The following CPLANE1 variants were observed in gnomAD, a reference collection of about 807,000 sequenced individuals.
CPLANE1 encodes the protein ciliogenesis and planar polarity effector 1.
Under a neutral mutation model 362.5 loss-of-function variants are expected in CPLANE1, and 263 were observed. The ratio of observed to expected loss-of-function variants is 0.73; its 90% CI spans 0.66 to 0.80. CPLANE1 has a LOEUF of 0.80. Ranked by LOEUF, CPLANE1 falls within the 30% of genes least tolerant of loss-of-function variation. The pLI is 0.00. For missense variants in CPLANE1, 3,461 were observed against 3,793.4 expected, an observed-to-expected ratio of 0.91 and a Z score of 2.30; for synonymous variants, 1,212 against 1,302.6, an observed-to-expected ratio of 0.93 and a Z score of 1.50.
At position 37,107,676 on chromosome 5, in the gene CPLANE1, A is replaced by G. The variant is rs577380148; in HGVS notation, c.9682T>C (p.Trp3228Arg). The change falls in exon 53 of 53, where the codon TGG (tryptophan) becomes CGG (arginine). Residue 3228 changes from tryptophan (W) to arginine (R), a missense_variant. Around this residue, in one of 2 missense-constraint regions of CPLANE1, gnomAD observed 81 missense variants for 127.3 expected, o/e 0.64. Transcript: ENST00000651892. ...STGSILSKLD[W>R]NAIEDMVASV... ...GCCACCATGTCTTCGATGGCATTCC[A>G]GTCCAGCTTGCTGAGGATGCTGCCA... 7 of 1,611,756 alleles carry G rather than the reference A, an allele frequency of 4.3e-6. No individual in the cohort carries two copies. In the East Asian group the frequency reaches 1.6e-4, roughly 36 times the overall value.
rs1272767433 is a variant in CPLANE1, at chr5:37,226,818, A to C, written c.1777T>G (p.Leu593Val). 6.5e-7 allele frequency: 1 copy of C among 1,549,974 alleles called. No homozygotes were observed. Among genetic ancestry groups the C allele is most frequent in the African/African-American group, 1.4e-5 (1 of 72,962 alleles). ...GISKTVTEKN[L>V]MLNYIVVCIT... ...CAAACTACTATGTAATTTAACATTAAATTTTTTTCTGTCACAGTTTTTGAA... is the reference window on the plus strand; with the variant it reads ...CAAACTACTATGTAATTTAACATTACATTTTTTTCTGTCACAGTTTTTGAA... The change falls in exon 12 of 53, where the codon TTA becomes GTA. Residue 593 changes from leucine (L) to valine (V), a missense_variant. Transcript: ENST00000651892.
rs1768647689 is a variant in CPLANE1 at position 37,138,749 on chromosome 5, G to T, written c.8763C>A (p.Gly2921=). Residue 2921 remains glycine (G), a synonymous_variant, in exon 46 of 53, where the codon GGC becomes GGA. Coordinates refer to ENST00000651892, the MANE Select transcript of CPLANE1 (RefSeq NM_001384732.1). The part of the protein sequence containing the change: ...IKDGVSSEEL[G]LTEQAMGTSR... ...AGGTGCCCATAGCTTGTTCTGTTAA[G>T]CCAAGTTCTTCACTGGAAACTCCGT... 1 of 1,612,592 alleles carries T rather than the reference G, an allele frequency of 6.2e-7. No homozygotes were observed. The highest frequency in any genetic ancestry group is 8.5e-7 in the Non-Finnish European group (1 of 1,179,480).
chr5:37,213,478 T>C (rs1793201608), intron 16 of CPLANE1, 81 bp downstream of exon 16: 5 of 907,002 alleles, frequency 5.5e-6, no homozygotes, highest in Non-Finnish European at 6.2e-6. Flanking sequence ...CATTGAGTAA[T>C]GGCCTCTGTA....
chr5:37,168,226 T>A (rs1778826399), intron 34 of CPLANE1, among the ~76,000 whole-genome samples: 1 of 43,264 alleles, frequency 2.3e-5, no homozygotes, highest in African/African-American at 6.9e-4. Context: ...AATCACAGAT[T>A]CTGGGTCTAT....
intron 42 of CPLANE1, among the ~76,000 whole-genome samples, chr5:37,148,978 G>A (rs1432749293): frequency 6.6e-6 from 1 of 152,156 alleles, no homozygotes; most frequent in Non-Finnish European, 1.5e-5. Context: ...TTCAACCTGG[G>A]AGGCAGAGAT....
At chr5:37,239,446 G>A (rs1027934185) in intron 7 of CPLANE1, among the ~76,000 whole-genome samples, 6 of 151,796 alleles carry the variant, frequency 4.0e-5, no homozygotes, top group Non-Finnish European at 8.8e-5. Context: ...AGCCAGGCAC[G>A]GTGGTATAAG....
At chr5:37,189,375 C>T (rs1017262621) in intron 21 of CPLANE1, among the ~76,000 whole-genome samples, 3 of 152,094 alleles carry the variant, frequency 2.0e-5, no homozygotes, top group Non-Finnish European at 4.4e-5. Flanking sequence ...ATCAGGGTCT[C>T]CAGTGAGCAT....
intron 22 of CPLANE1, 76 bp from the exon 23 acceptor site, chr5:37,187,648 T>C (rs1243262126): frequency 1.9e-6 from 3 of 1,554,524 alleles, no homozygotes; most frequent in Admixed American, 1.9e-5. Flanking sequence ...AAGAAAGTTT[T>C]GCTACAAACA....
chr5:37,161,127 G>A (rs1446425178), intron 38 of CPLANE1, among the ~76,000 whole-genome samples: 1 of 152,296 alleles, frequency 6.6e-6, no homozygotes, highest in South Asian at 2.1e-4. Context: ...GCTGGAAGAA[G>A]GAATATGCTT....
chr5:37,140,617 C>G (rs990941416), intron 44 of CPLANE1: 29 of 985,114 alleles, frequency 2.9e-5, no homozygotes, highest in Non-Finnish European at 3.5e-5. Context: ...GGCCTATTCA[C>G]GAAAAAAAGC....
the CPLANE1 span, among the ~76,000 whole-genome samples, chr5:37,080,552 G>A: frequency 6.6e-6 from 1 of 152,138 alleles, no homozygotes; most frequent in Non-Finnish European, 1.5e-5. Context: ...ACATTATCTT[G>A]CAAAAGCCCA....
At chr5:37,242,262 G>C (rs539716547) in intron 6 of CPLANE1, among the ~76,000 whole-genome samples, 1 of 151,936 alleles carries the variant, frequency 6.6e-6, no homozygotes, top group East Asian at 1.9e-4. Flanking sequence ...GCTGAGGCAG[G>C]AGAATCACTT....
intron 44 of CPLANE1, chr5:37,142,094 C>T: frequency 9.7e-7 from 1 of 1,026,826 alleles, no homozygotes; most frequent in South Asian, 5.0e-5. Context: ...TAAGTTACAC[C>T]AAGATATGAT....
chr5:37,181,658 T>C (rs545288558), intron 26 of CPLANE1, among the ~76,000 whole-genome samples: 1 of 152,090 alleles, frequency 6.6e-6, no homozygotes, highest in East Asian at 1.9e-4. Context: ...TTATAAAAAA[T>C]TTAAAAATTA....
rs1226086505 is a variant in CPLANE1 at position 37,245,566 on chromosome 5, C to T, written c.250G>A (p.Glu84Lys). Residue 84 changes from glutamate to lysine, a missense_variant, in exon 4 of 53, where the codon GAG (glutamate) becomes AAG (lysine). By Grantham distance (56) the Glu-to-Lys change is moderately conservative. Coordinates refer to ENST00000651892, the MANE Select transcript of CPLANE1 (RefSeq NM_001384732.1). ...TGATCTTTGTTCCAAAGGAAAAGCT[C>T]TCCTGTAGTTAGTACCCCAGCCAGC... ...AWLAGVLTTG[E>K]LFLWNKDQDC... is the part of the protein sequence containing the mutation. 8 of 1,523,880 alleles carry T rather than the reference C, an allele frequency of 5.2e-6. No individual in the cohort carries two copies. Among genetic ancestry groups the T allele is most frequent in the Admixed American group, 4.3e-5 (2 of 47,000 alleles). 94.4% of individuals were successfully genotyped at this position (1,523,880 alleles called of 1,614,324 possible). A position where few individuals can be genotyped will look rare whatever the true frequency, so the allele number is the denominator to read the frequency against.
In CPLANE1 at chr5:37,236,694, T is replaced by A. The variant is rs1386430194; in HGVS notation, c.938+2163A>T. Reference sequence around the variant, plus strand: ...TCTGACAAAGGGCTAATATCTAGGATCTATGAGAAACTAAGACAACTCAAC... The same window carrying A: ...TCTGACAAAGGGCTAATATCTAGGAACTATGAGAAACTAAGACAACTCAAC... On this transcript the variant is annotated intron_variant, in intron 8 of 52. Coordinates refer to ENST00000651892, the MANE Select transcript of CPLANE1 (RefSeq NM_001384732.1). Among the ~76,000 whole-genome samples, 3 of 148,348 alleles carry A rather than the reference T, an allele frequency of 2.0e-5. No homozygotes were observed. The East Asian group carries it at 5.9e-4, about 29-fold the overall frequency.
the CPLANE1 span, among the ~76,000 whole-genome samples, chr5:37,083,015 C>G: frequency 2.0e-5 from 3 of 152,242 alleles, no homozygotes; most frequent in African/African-American, 7.2e-5. Context: ...CTGAAGGAAG[C>G]AGATTACTCC....
intron 18 of CPLANE1, 152 bp downstream of exon 18, chr5:37,205,163 T>C (rs960642953): frequency 1.8e-6 from 1 of 545,192 alleles, no homozygotes; most frequent in Non-Finnish European, 2.7e-6. Context: ...TCTCAAAAAA[T>C]AATAAAATAA....
At chr5:37,231,124 C>T in intron 8 of CPLANE1, 75 bp from the exon 9 acceptor site, 1 of 1,090,580 alleles carries the variant, frequency 9.2e-7, no homozygotes, top group East Asian at 3.0e-5. Context: ...TGGGCTGTAC[C>T]AAGCAGAGGT....
Sources: allele counts gnomAD v4.1 joint callset (sites outside exome capture counted in the v4.1 genomes callset), GRCh38; gene constraint gnomAD v4.1.1; regional missense constraint gnomAD v4.1.1; transcripts MANE v1.5; gene names NCBI Gene and HGNC (gene_info 2026-07-23, HGNC 2026-07-21).